Variants in ZGPAT observed in about 807,000 individuals in gnomAD.
ZGPAT encodes the protein zinc finger CCCH-type with G patch domain-containing protein.
Under a neutral mutation model 47.9 loss-of-function variants are expected in ZGPAT, and 39 were observed. The observed-to-expected ratio is 0.81, with a 90% CI of 0.63 to 1.06. The LOEUF is 1.06. Among genes scored for constraint, ZGPAT ranks in the 50% least tolerant of loss-of-function variants. The pLI, the probability that ZGPAT is intolerant of heterozygous loss-of-function variation, is 0.00. For synonymous variants in ZGPAT, 348 were observed against 292.9 expected (o/e 1.19, Z -1.92); for missense variants, 717 against 681.4 (o/e 1.05, Z -0.58).
At chr20:63,735,692 G>C in intron 6 of ZGPAT, 89 bp from the exon 7 acceptor site, 1 of 1,532,426 alleles carries the variant, frequency 6.5e-7, no homozygotes, top group Non-Finnish European at 8.8e-7. Flanking sequence ...GTTGGAGGAC[G>C]GGCAGCGGGC....
intron 2 of ZGPAT, among the ~76,000 whole-genome samples, chr20:63,732,345 GGTGT>G: frequency 3.7e-5 from 1 of 27,096 alleles, no homozygotes; most frequent in Non-Finnish European, 8.7e-5. Context: ...GTGTGGGTGA[GGTGT>G]GTGTGTGCAT....
At position 63,735,214 on chromosome 20, in the gene ZGPAT, T is replaced by G; in HGVS notation, c.1047T>G (p.Pro349=). Residue 349 remains proline (P), a synonymous_variant, in exon 6 of 7, where the codon CCT becomes CCG. Coordinates refer to ENST00000355969, the MANE Select transcript of ZGPAT (RefSeq NM_181485.3). The part of the protein sequence containing the change: ...RVEPIHAVVL[P]RGKSLDQCVE... ...AGCCCATCCATGCTGTGGTGTTGCC[T>G]CGAGGGAAGTCGCTGGACCAGTGTG... 6.4e-7 allele frequency: 1 copy of G among 1,565,118 alleles called. No homozygotes were observed. Among genetic ancestry groups the G allele is most frequent in the Non-Finnish European group, 8.7e-7 (1 of 1,155,666 alleles).
chr20:63,707,719 C>T (rs923849527), upstream of ZGPAT: 2 of 152,152 alleles, frequency 1.3e-5, no homozygotes, highest in Admixed American at 1.3e-4. Flanking sequence ...GGGTCGCGGC[C>T]CCCGGCTACG....
chr20:63,732,776 G>C (rs575763280), intron 2 of ZGPAT, among the ~76,000 whole-genome samples: 1 of 145,726 alleles, frequency 6.9e-6, no homozygotes, highest in Non-Finnish European at 1.5e-5. Context: ...ATGTATATGC[G>C]TGTGTGTATG....
chr20:63,708,400 CG>C (rs1469484463), intron 1 of ZGPAT, among the ~76,000 whole-genome samples, 152 bp from the exon 2 acceptor site: 1 of 152,160 alleles, frequency 6.6e-6, no homozygotes, highest in Non-Finnish European at 1.5e-5. Flanking sequence ...GGAGCCTGAG[CG>C]GGGGTACCCG....
chr20:63,733,075 AGTGT>A (rs540031395), intron 2 of ZGPAT, 140 bp from the exon 3 acceptor site: 15 of 1,009,022 alleles, frequency 1.5e-5, no homozygotes, highest in Admixed American at 2.7e-5. Context: ...TGTGTGCGTG[AGTGT>A]GTGAGAGTGT....
chr20:63,715,905 C>T (rs1410582750), intron 2 of ZGPAT, among the ~76,000 whole-genome samples: 5 of 152,144 alleles, frequency 3.3e-5, no homozygotes, highest in Admixed American at 2.0e-4. Flanking sequence ...ATTCAATTTC[C>T]TTATTGAAAT....
chr20:63,717,055 T>C (rs990242052), intron 2 of ZGPAT, among the ~76,000 whole-genome samples: 1 of 151,910 alleles, frequency 6.6e-6, no homozygotes, highest in African/African-American at 2.4e-5. Context: ...GACCTCAGGT[T>C]ATCCACCAGC....
chr20:63,716,518 CTT>C (rs776908249), intron 2 of ZGPAT, among the ~76,000 whole-genome samples: 3 of 143,264 alleles, frequency 2.1e-5, no homozygotes, highest in Admixed American at 7.0e-5. Context: ...TTTTCTTCCT[CTT>C]TTTTTTTTTT....
intron 2 of ZGPAT, among the ~76,000 whole-genome samples, chr20:63,721,539 G>A (rs1190142934): frequency 6.6e-6 from 1 of 152,068 alleles, no homozygotes; most frequent in African/African-American, 2.4e-5. Flanking sequence ...GTGTTTCTGA[G>A]CCCCTGTCTA....
At chr20:63,721,280 G>T (rs1467306966) in intron 2 of ZGPAT, among the ~76,000 whole-genome samples, 1 of 151,828 alleles carries the variant, frequency 6.6e-6, no homozygotes, top group African/African-American at 2.4e-5. Context: ...TCAACCCAGG[G>T]GGCGGAGGTT....
intron 2 of ZGPAT, among the ~76,000 whole-genome samples, chr20:63,715,095 TTTA>T (rs1348472798): frequency 6.6e-6 from 1 of 152,042 alleles, no homozygotes; most frequent in Non-Finnish European, 1.5e-5. Flanking sequence ...GTATTATCTC[TTTA>T]TTATTATTAT....
chr20:63,709,266 A>C, intron 2 of ZGPAT, 102 bp downstream of exon 2: 1 of 1,324,036 alleles, frequency 7.6e-7, no homozygotes, highest in Non-Finnish European at 1.1e-6. Context: ...GTTTTGTCTC[A>C]GCTTCCTGGG....
At position 63,717,332 on chromosome 20, in the gene ZGPAT, C is replaced by CTTTTTT. The variant is rs1173734420; in HGVS notation, c.584+8188_584+8193dup. On this transcript the variant is annotated intron_variant, in intron 2 of 6. Coordinates refer to ENST00000355969, the MANE Select transcript of ZGPAT (RefSeq NM_181485.3). The stretch of plus-strand genomic sequence containing the variant: ...TGATTTGAGATCTCTTTTTTCTTTT[C>CTTTTTT]TTTTTTTTTTTTTTTTTTTTTTTTT... Among the ~76,000 whole-genome samples the CTTTTTT allele has an allele frequency of 3.7e-3, 227 of 60,998 alleles. 3 individuals carry two copies. The highest frequency in any genetic ancestry group is 6.4e-3 in the East Asian group (11 of 1,720). The allele number at this position is 60,998 out of a possible 152,430, so 40.0% of individuals were successfully genotyped here. A position where few individuals can be genotyped will look rare whatever the true frequency, so the allele number is the denominator to read the frequency against.
intron 4 of ZGPAT, 147 bp from the exon 5 acceptor site, chr20:63,734,558 G>C (rs1272341355): frequency 4.1e-6 from 6 of 1,476,188 alleles, no homozygotes; most frequent in Middle Eastern, 2.5e-4. Flanking sequence ...GCTCTGCCCA[G>C]GATCTGAGCT....
Position 63,736,049 on chromosome 20 carries a change from C to T in ZGPAT, c.*130C>T, listed in dbSNP as rs1165354611. 12 of 1,337,404 alleles carry T rather than the reference C, an allele frequency of 9.0e-6. No individual in the cohort carries two copies. Among genetic ancestry groups the T allele is most frequent in the Admixed American group, 2.7e-5 (1 of 36,874 alleles). The allele number at this position is 1,337,404 out of a possible 1,614,324, so 82.8% of individuals were successfully genotyped here. ...CAGACACTGCTGAGTGGAGACAGAGCTGCGGGGTCCCATCTGGACACTTAC... is the reference window on the plus strand; with the variant it reads ...CAGACACTGCTGAGTGGAGACAGAGTTGCGGGGTCCCATCTGGACACTTAC... On this transcript the variant is annotated 3_prime_UTR_variant, in exon 7 of 7. Transcript: ENST00000355969.
At chr20:63,725,075 C>T (rs1288263682) in intron 2 of ZGPAT, among the ~76,000 whole-genome samples, 1 of 151,194 alleles carries the variant, frequency 6.6e-6, no homozygotes. Flanking sequence ...AGCTCCGCCT[C>T]CCGGGTTCAC....
chr20:63,730,540 A>G (rs2091886906), intron 2 of ZGPAT, among the ~76,000 whole-genome samples: 2 of 152,144 alleles, frequency 1.3e-5, no homozygotes, highest in African/African-American at 2.4e-5. Flanking sequence ...GCTGGAGTGC[A>G]GTGACACAAT....
intron 2 of ZGPAT, among the ~76,000 whole-genome samples, chr20:63,716,255 C>G (rs1601322728): frequency 1.3e-5 from 2 of 152,212 alleles, no homozygotes; most frequent in East Asian, 3.9e-4. Flanking sequence ...GTCTCGAACT[C>G]CTGACCTCAG....
Sources: allele counts gnomAD v4.1 joint callset (sites outside exome capture counted in the v4.1 genomes callset), GRCh38; gene constraint gnomAD v4.1.1; transcripts MANE v1.5; gene names NCBI Gene and HGNC (gene_info 2026-07-23, HGNC 2026-07-21).